RAP1A: variants seen among roughly 807,000 people sequenced by gnomAD.
The protein encoded by RAP1A is ras-related protein Rap-1A.
Under a neutral mutation model 26.4 loss-of-function variants are expected in RAP1A, and 6 were observed. The observed-to-expected ratio is 0.23, with a 90% CI of 0.12 to 0.45. The LOEUF (loss-of-function observed/expected upper bound fraction) is 0.45. Ranked by LOEUF, RAP1A falls within the 20% of genes least tolerant of loss-of-function variation. The pLI is 0.99. For synonymous variants in RAP1A, 73 were observed against 79.4 expected, an observed-to-expected ratio of 0.92 and a Z score of 0.43; for missense variants, 121 against 217.2, an observed-to-expected ratio of 0.56 and a Z score of 2.78.
At chr1:111,635,923 C>A (rs1437526477) in intron 1 of RAP1A, among the ~76,000 whole-genome samples, 2 of 152,076 alleles carry the variant, frequency 1.3e-5, no homozygotes, top group Non-Finnish European at 2.9e-5. Flanking sequence ...GGGACTGGAA[C>A]AATATCTTAT....
intron 1 of RAP1A, among the ~76,000 whole-genome samples, chr1:111,667,665 AG>A (rs1398571651): frequency 6.6e-6 from 1 of 151,018 alleles, no homozygotes; most frequent in Non-Finnish European, 1.5e-5. Context: ...CTGGGCGACA[AG>A]AGCAAGACTC....
At chr1:111,671,783 A>G (rs1392221940) in intron 1 of RAP1A, among the ~76,000 whole-genome samples, 1 of 152,146 alleles carries the variant, frequency 6.6e-6, no homozygotes, top group Non-Finnish European at 1.5e-5. Context: ...CAGCTCCAGT[A>G]ATTTTTGACA....
At chr1:111,577,023 G>A (rs1040462575) in intron 1 of RAP1A, among the ~76,000 whole-genome samples, 16 of 152,164 alleles carry the variant, frequency 1.1e-4, no homozygotes, top group Non-Finnish European at 1.9e-4. Flanking sequence ...GAAGTTCCAT[G>A]GGGCAATCAG....
chr1:111,565,499 T>C (rs1272284750), intron 1 of RAP1A, among the ~76,000 whole-genome samples: 2 of 152,188 alleles, frequency 1.3e-5, no homozygotes, highest in African/African-American at 4.8e-5. Flanking sequence ...CTGATTCCTG[T>C]AGTAACATAT....
chr1:111,582,655 G>A (rs1658280835), intron 1 of RAP1A, among the ~76,000 whole-genome samples: 1 of 152,194 alleles, frequency 6.6e-6, no homozygotes, highest in African/African-American at 2.4e-5. Context: ...AACCAGGACA[G>A]TCAGGGAGCA....
At chr1:111,691,753 C>T (rs796126866) in intron 2 of RAP1A, among the ~76,000 whole-genome samples, 36 of 152,238 alleles carry the variant, frequency 2.4e-4, no homozygotes, top group African/African-American at 8.4e-4. Context: ...TGGGATAATT[C>T]CTCACCTGCT....
intron 1 of RAP1A, among the ~76,000 whole-genome samples, chr1:111,556,913 A>ATT (rs202111917): frequency 0.082 from 12,103 of 148,388 alleles, 1,136 homozygotes; most frequent in African/African-American, 0.24. Context: ...ATATATATGT[A>ATT]TGTACATATA....
At chr1:111,711,166 C>T (rs1662373740) in intron 7 of RAP1A, among the ~76,000 whole-genome samples, 1 of 152,076 alleles carries the variant, frequency 6.6e-6, no homozygotes, top group South Asian at 2.1e-4. Flanking sequence ...TCATCAGTTC[C>T]CTGAAAGTGA....
At chr1:111,635,426 C>T (rs768105301) in intron 1 of RAP1A, among the ~76,000 whole-genome samples, 9 of 152,228 alleles carry the variant, frequency 5.9e-5, no homozygotes, top group Non-Finnish European at 1.0e-4. Flanking sequence ...TCTCAGTTTT[C>T]TCATCTGTCA....
At chr1:111,592,686 T>C (rs547219883) in intron 1 of RAP1A, among the ~76,000 whole-genome samples, 39 of 152,308 alleles carry the variant, frequency 2.6e-4, no homozygotes, top group African/African-American at 9.1e-4. Flanking sequence ...GCTCTCTCAA[T>C]GAAGTTTTAA....
chr1:111,677,313 A>C (rs1015229121), intron 1 of RAP1A, among the ~76,000 whole-genome samples: 3 of 152,224 alleles, frequency 2.0e-5, no homozygotes, highest in African/African-American at 7.2e-5. Flanking sequence ...ACAAAGACAG[A>C]AGTTGAAGTT....
At chr1:111,560,577 C>A (rs760065772) in intron 1 of RAP1A, among the ~76,000 whole-genome samples, 5 of 151,824 alleles carry the variant, frequency 3.3e-5, no homozygotes, top group Non-Finnish European at 7.4e-5. Flanking sequence ...CAGCCTCAAA[C>A]TCCTGGGCTC....
chr1:111,628,331 C>A (rs1247952618), intron 1 of RAP1A, among the ~76,000 whole-genome samples: 3 of 152,094 alleles, frequency 2.0e-5, no homozygotes, highest in African/African-American at 7.2e-5. Context: ...GGTGGACATT[C>A]TTTGTGGTAG....
rs139035374 is a variant in RAP1A, at chr1:111,575,851, A to G, written c.-28+33342A>G. On this transcript the variant is annotated intron_variant, in intron 1 of 7. Transcript: ENST00000356415. ...TATAGCAGCCTTATCAAACTAATAC[A>G]ATAGGAGAAATAATGTTCATAGATC... is the stretch of plus-strand genomic sequence containing the variant. 3.7e-3 allele frequency among the ~76,000 whole-genome samples: 560 copies of G among 152,350 alleles called. 1 individual carries two copies. The highest frequency in any genetic ancestry group is 0.013 in the African/African-American group (524 of 41,570).
rs191453084 is a variant in RAP1A, at chr1:111,622,764, C to T, written c.-28+2830C>T. Among the ~76,000 whole-genome samples the T allele has an allele frequency of 8.7e-4, 132 of 152,258 alleles. 1 individual carries two copies. Among genetic ancestry groups the T allele is most frequent in the Non-Finnish European group, 1.8e-4 (12 of 68,014 alleles). The stretch of plus-strand genomic sequence containing the variant: ...ATTTAAATTTTGGATGTTAGCTTAC[C>T]TCTCTTCAACATTTAACTACAGGAT... On this transcript the variant is annotated intron_variant, in intron 1 of 7. Coordinates refer to ENST00000369709, the MANE Select transcript of RAP1A (RefSeq NM_002884.4).
intron 1 of RAP1A, among the ~76,000 whole-genome samples, chr1:111,552,271 T>C (rs141280982): frequency 2.1e-4 from 32 of 152,324 alleles, no homozygotes; most frequent in South Asian, 1.2e-3. Flanking sequence ...CTGGTACTGG[T>C]GCTAGAATGC....
intron 1 of RAP1A, among the ~76,000 whole-genome samples, chr1:111,677,035 C>A (rs1358288236): frequency 6.6e-6 from 1 of 152,186 alleles, no homozygotes; most frequent in African/African-American, 2.4e-5. Flanking sequence ...CTCAGGTGAT[C>A]CGCCTACCTC....
At chr1:111,599,473 A>G (rs141535763) in intron 1 of RAP1A, among the ~76,000 whole-genome samples, 2 of 152,146 alleles carry the variant, frequency 1.3e-5, no homozygotes, top group Non-Finnish European at 2.9e-5. Context: ...CCAAAGTGCT[A>G]GGATTACAGG....
intron 1 of RAP1A, among the ~76,000 whole-genome samples, chr1:111,685,151 G>A (rs916555749): frequency 6.6e-6 from 1 of 152,030 alleles, no homozygotes; most frequent in African/African-American, 2.4e-5. Context: ...TTAAACATAA[G>A]CCCTAAAACC....
Sources: allele counts gnomAD v4.1 joint callset (sites outside exome capture counted in the v4.1 genomes callset), GRCh38; gene constraint gnomAD v4.1.1; transcripts MANE v1.5; gene names NCBI Gene and HGNC (gene_info 2026-07-23, HGNC 2026-07-21).